Variants in OSBPL9 observed in about 807,000 individuals in gnomAD.
OSBPL9 encodes oxysterol binding protein like 9.
A neutral mutation model predicts 106.6 loss-of-function variants in OSBPL9; 40 were observed. The ratio of observed to expected loss-of-function variants is 0.38; its 90% CI spans 0.29 to 0.49. OSBPL9 has a LOEUF of 0.49. Among genes scored for constraint, OSBPL9 ranks in the 20% least tolerant of loss-of-function variants. The pLI is 0.97. For missense variants in OSBPL9, 609 were observed against 887.2 expected (o/e 0.69, Z 3.98); for synonymous variants, 269 against 295.4 (o/e 0.91, Z 0.92).
At chr1:51,748,797 T>TG (rs1344102834) in intron 7 of OSBPL9, among the ~76,000 whole-genome samples, 3 of 152,094 alleles carry the variant, frequency 2.0e-5, no homozygotes, top group Non-Finnish European at 4.4e-5. Context: ...TCAAAAGTGG[T>TG]GGGATTGGCC....
intron 2 of OSBPL9, among the ~76,000 whole-genome samples, chr1:51,656,412 A>G (rs1405465049): frequency 6.6e-6 from 1 of 152,046 alleles, no homozygotes; most frequent in African/African-American, 2.4e-5. Flanking sequence ...CTATATTTGA[A>G]TCACACTATG....
the OSBPL9 span, among the ~76,000 whole-genome samples, chr1:51,559,255 A>C: frequency 6.8e-6 from 1 of 146,902 alleles, no homozygotes; most frequent in African/African-American, 2.5e-5. Context: ...CAGGGACCCC[A>C]TGGTAACCTG....
Position 51,787,872 on chromosome 1 carries a change from T to A in OSBPL9, c.*83T>A, listed in dbSNP as rs759826202. On this transcript the variant is annotated 3_prime_UTR_variant, in exon 24 of 24. Coordinates refer to ENST00000428468, the MANE Select transcript of OSBPL9 (RefSeq NM_024586.6). ...AAACAATCTTCCTTTGGGAGAAACC[T>A]GTTCATTCCAATCTTCTAATTACAG... is the stretch of plus-strand genomic sequence containing the variant. The A allele has an allele frequency of 9.3e-4, 1,143 of 1,230,976 alleles. 17 individuals are homozygous for A. Among genetic ancestry groups the A allele is most frequent in the Non-Finnish European group, 2.3e-4 (193 of 838,594 alleles). 76.3% of individuals were successfully genotyped at this position (1,230,976 alleles called of 1,614,324 possible). A position where few individuals can be genotyped will look rare whatever the true frequency, so the allele number is the denominator to read the frequency against.
intron 22 of OSBPL9, among the ~76,000 whole-genome samples, chr1:51,786,988 C>T (rs1455099822): frequency 6.6e-6 from 1 of 152,170 alleles, no homozygotes; most frequent in African/African-American, 2.4e-5. Context: ...GTTCCTCTAA[C>T]ACTTACAGGT....
chr1:51,702,809 T>C (rs550707006), intron 3 of OSBPL9, among the ~76,000 whole-genome samples: 23 of 152,364 alleles, frequency 1.5e-4, no homozygotes, highest in Non-Finnish European at 2.8e-4. Context: ...CCATCTTGAA[T>C]TAATTTTTGT....
At chr1:51,670,104 G>A (rs1360882871) in intron 3 of OSBPL9, among the ~76,000 whole-genome samples, 1 of 152,152 alleles carries the variant, frequency 6.6e-6, no homozygotes, top group Non-Finnish European at 1.5e-5. Flanking sequence ...GCATGCTATG[G>A]TTCACCGGTA....
chr1:51,734,874 T>G (rs1427373953), intron 4 of OSBPL9, among the ~76,000 whole-genome samples: 1 of 152,202 alleles, frequency 6.6e-6, no homozygotes, highest in Non-Finnish European at 1.5e-5. Flanking sequence ...GCCACTAATT[T>G]TGGTTTCCTT....
the OSBPL9 span, among the ~76,000 whole-genome samples, chr1:51,547,615 A>T: frequency 6.6e-6 from 1 of 152,258 alleles, no homozygotes; most frequent in East Asian, 1.9e-4. Flanking sequence ...AGGCCAAGGC[A>T]GGTGGATCAC....
At chr1:51,730,163 TG>T in intron 4 of OSBPL9, 1 of 1,239,438 alleles carries the variant, frequency 8.1e-7, no homozygotes, top group Non-Finnish European at 1.0e-6. Flanking sequence ...CCCTCTTCCT[TG>T]GGAGTTCTCA....
At chr1:51,740,253 T>C in intron 4 of OSBPL9, 1 of 1,476,462 alleles carries the variant, frequency 6.8e-7, no homozygotes, top group Non-Finnish European at 9.0e-7. Flanking sequence ...CTTCTTTCAT[T>C]GGATGAAAGC....
At chr1:51,679,319 T>A (rs1652003551) in intron 3 of OSBPL9, among the ~76,000 whole-genome samples, 1 of 152,242 alleles carries the variant, frequency 6.6e-6, no homozygotes. Flanking sequence ...TGTTAATAAT[T>A]TTATTCCAAC....
intron 4 of OSBPL9, among the ~76,000 whole-genome samples, chr1:51,738,476 C>A (rs960749855): frequency 1.3e-5 from 2 of 151,916 alleles, no homozygotes; most frequent in Non-Finnish European, 2.9e-5. Context: ...AAAAAACTTT[C>A]TTTATATTGT....
In OSBPL9 at chr1:51,604,284, G is replaced by T. The variant is rs142871003; in HGVS notation, c.-353+6091G>T. Among the ~76,000 whole-genome samples, 76 of 152,238 alleles carry T rather than the reference G, an allele frequency of 5.0e-4. 2 individuals carry two copies. The East Asian group carries it at 0.015, about 29-fold the overall frequency. On this transcript the variant is annotated intron_variant, in intron 2 of 25. Transcript: ENST00000371714. ...AAAAAAATTCATTAGGGCTGGGTGC[G>T]GTGGCTCACGCCTGTAATCCCAGCA...
rs545016379 is a variant in OSBPL9 at position 51,786,674 on chromosome 1, G to A, written c.2000+57G>A. Reference sequence around the variant, plus strand: ...TGCAGTGCTTAAACTTTGCCTAGGCGTAGGCACAGGGCTGGGTTTGAGAGA... The same window carrying A: ...TGCAGTGCTTAAACTTTGCCTAGGCATAGGCACAGGGCTGGGTTTGAGAGA... On this transcript the variant is annotated intron_variant, in intron 22 of 23. Transcript: ENST00000428468. 1.1e-4 allele frequency: 152 copies of A among 1,392,142 alleles called. No individual in the cohort carries two copies. In the African/African-American group the frequency reaches 1.6e-3, roughly 15 times the overall value. 86.2% of individuals were successfully genotyped at this position (1,392,142 alleles called of 1,614,324 possible). A position where few individuals can be genotyped will look rare whatever the true frequency, so the allele number is the denominator to read the frequency against.
At chr1:51,779,097 A>G (rs1277903273) in intron 15 of OSBPL9, among the ~76,000 whole-genome samples, 1 of 152,200 alleles carries the variant, frequency 6.6e-6, no homozygotes, top group African/African-American at 2.4e-5. Context: ...AAAGGGAGAT[A>G]TGGAAACTTT....
chr1:51,780,360 C>G (rs1676083884), intron 15 of OSBPL9, among the ~76,000 whole-genome samples: 1 of 152,166 alleles, frequency 6.6e-6, no homozygotes, highest in Admixed American at 6.5e-5. Flanking sequence ...AGCAGTCCCA[C>G]TCCTGGGTAT....
chr1:51,751,827 A>G (rs1669310153), intron 8 of OSBPL9, among the ~76,000 whole-genome samples: 1 of 152,222 alleles, frequency 6.6e-6, no homozygotes, highest in African/African-American at 2.4e-5. Flanking sequence ...CCACTCATCG[A>G]GAACATTTTT....
chr1:51,690,361 C>G (rs1024183359), intron 3 of OSBPL9, among the ~76,000 whole-genome samples: 11 of 152,214 alleles, frequency 7.2e-5, no homozygotes, highest in Non-Finnish European at 1.5e-4. Flanking sequence ...CACTACAGTG[C>G]TGACTTTGTT....
intron 3 of OSBPL9, among the ~76,000 whole-genome samples, chr1:51,694,952 C>T (rs774276555): frequency 2.6e-5 from 4 of 152,068 alleles, no homozygotes; most frequent in Admixed American, 6.6e-5. Context: ...GCCAAACACC[C>T]GAGAGTGAAT....
Sources: allele counts gnomAD v4.1 joint callset (sites outside exome capture counted in the v4.1 genomes callset), GRCh38; gene constraint gnomAD v4.1.1; transcripts MANE v1.5; gene names NCBI Gene and HGNC (gene_info 2026-07-23, HGNC 2026-07-21).